Variants in ADAR observed in about 807,000 individuals in gnomAD.
The protein encoded by ADAR is adenosine deaminase RNA specific.
ADAR carries 41 observed loss-of-function variants against 113.2 expected under a neutral mutation model. That is an observed-to-expected ratio of 0.36 (90% CI 0.28 to 0.47). ADAR has a LOEUF of 0.47. Among genes scored for constraint, ADAR ranks in the 20% least tolerant of loss-of-function variants. The probability of loss-of-function intolerance (pLI) is 1.00; values close to 1 mark genes in which losing one functional copy is unlikely to be tolerated. For missense variants in ADAR, 1,242 were observed against 1,540.9 expected (o/e 0.81, Z 3.25); for synonymous variants, 605 against 572.6 (o/e 1.06, Z -0.81).
In ADAR at chr1:154,584,537, G is replaced by C. The variant is rs1365736988; in HGVS notation, c.*269C>G. ...TGGACCGCAGGTGCTCAGTGACTATGTATGCTTTGGGTAGAAAGAAAAGAT... is the reference window on the plus strand; with the variant it reads ...TGGACCGCAGGTGCTCAGTGACTATCTATGCTTTGGGTAGAAAGAAAAGAT... On this transcript the variant is annotated 3_prime_UTR_variant, in exon 15 of 15. Transcript: ENST00000368474. The C allele has an allele frequency of 6.4e-6, 3 of 465,704 alleles. No individual in the cohort carries two copies. The highest frequency in any genetic ancestry group is 1.9e-5 in the African/African-American group (1 of 51,440). The allele number at this position is 465,704 out of a possible 1,614,324, so 28.8% of individuals were successfully genotyped here.
At chr1:154,589,334 C>T (rs1477133558) in intron 9 of ADAR, 35 bp downstream of exon 9, 2 of 1,567,282 alleles carry the variant, frequency 1.3e-6, no homozygotes, top group South Asian at 1.1e-5. Flanking sequence ...CTCTCCACAG[C>T]CGGGCAGCCG....
chr1:154,597,987 TGAGA>T lies in ADAR; in HGVS notation c.1786-15_1786-12del. ...CTGGGACTCTGCAGTCTAGAGAAAA[TGAGA>T]GACAAGAAGAAAACAAAACTAAGAA... is the stretch of plus-strand genomic sequence containing the variant. On this transcript the variant is annotated splice_polypyrimidine_tract_variant and intron_variant, in intron 3 of 14. Coordinates refer to ENST00000368474, the MANE Select transcript of ADAR (RefSeq NM_001111.5). 6.2e-7 allele frequency: 1 copy of T among 1,612,548 alleles called. No individual in the cohort carries two copies. Among genetic ancestry groups the T allele is most frequent in the Non-Finnish European group, 8.5e-7 (1 of 1,179,394 alleles).
Position 154,588,229 on chromosome 1 carries a change from A to G in ADAR, c.2915T>C (p.Phe972Ser). 1 of 1,614,174 alleles carries G rather than the reference A, an allele frequency of 6.2e-7. No individual in the cohort carries two copies. Among genetic ancestry groups the G allele is most frequent in the Middle Eastern group, 1.7e-4 (1 of 6,028 alleles). ...STAPCGDGAL[F>S]DKSCSDRAME... The stretch of plus-strand genomic sequence containing the variant: ...AGCACGGTCGCTGCAGGACTTGTCA[A>G]AGAGGGCGCCATCTCCACACGGAGC... Residue 972 changes from phenylalanine (F) to serine (S), a missense_variant, in exon 11 of 15, where the codon TTT becomes TCT. Physicochemically the swap from Phe to Ser is radical, Grantham distance 155. This residue lies in a region of ADAR where 780 missense variants were observed against 1,057.9 expected (regional missense o/e 0.74). Coordinates refer to ENST00000368474, the MANE Select transcript of ADAR (RefSeq NM_001111.5).
intron 4 of ADAR, 106 bp downstream of exon 4, chr1:154,597,722 C>T (rs1277263102): frequency 1.4e-6 from 2 of 1,467,612 alleles, no homozygotes; most frequent in Non-Finnish European, 1.9e-6. Flanking sequence ...CATTTTGAAA[C>T]AGGAGAAATT....
At chr1:154,608,895 C>T (rs1698384178), upstream of ADAR, 2 of 151,576 alleles carry the variant, frequency 1.3e-5, no homozygotes, top group South Asian at 4.2e-4. Context: ...ACCGTGGGAC[C>T]TTGTTAATGC....
intron 6 of ADAR, among the ~76,000 whole-genome samples, chr1:154,594,678 T>C (rs886695295): frequency 2.6e-5 from 4 of 152,224 alleles, no homozygotes; most frequent in African/African-American, 7.2e-5. Context: ...AAAGCCTCTA[T>C]AGAAAGCATA....
intron 3 of ADAR, 145 bp downstream of exon 3, chr1:154,598,257 G>A (rs1477637453): frequency 8.7e-6 from 8 of 916,586 alleles, no homozygotes; most frequent in Non-Finnish European, 7.0e-6. Context: ...GGAAAGGTGG[G>A]CTGGCGAGAT....
In ADAR at chr1:154,597,419, G is replaced by C. The variant is rs115800464; in HGVS notation, c.1935-152C>G. ...CATCTCATGCAGTCACTTCTGCCTTGAACAGCCAGTGTCTCTTAGCCTGGC... is the reference window on the plus strand; with the variant it reads ...CATCTCATGCAGTCACTTCTGCCTTCAACAGCCAGTGTCTCTTAGCCTGGC... On this transcript the variant is annotated intron_variant, in intron 4 of 14. Transcript: ENST00000368474. 0.058 allele frequency: 58,119 copies of C among 995,406 alleles called. 2,111 individuals carry two copies. The highest frequency in any genetic ancestry group is 0.071 in the Non-Finnish European group (46,246 of 655,858). The allele number at this position is 995,406 out of a possible 1,614,324, so 61.7% of individuals were successfully genotyped here. A position where few individuals can be genotyped will look rare whatever the true frequency, so the allele number is the denominator to read the frequency against.
chr1:154,602,688 GC>G, intron 1 of ADAR, 62 bp from the exon 2 acceptor site: 1 of 1,591,342 alleles, frequency 6.3e-7, no homozygotes. Context: ...ACCTGTGGAG[GC>G]CCCTCCCTTT....
In ADAR at chr1:154,601,383, T is replaced by C; in HGVS notation, c.1259A>G (p.Glu420Gly). 1.9e-6 allele frequency: 3 copies of C among 1,614,236 alleles called. No homozygotes were observed. The highest frequency in any genetic ancestry group is 2.5e-6 in the Non-Finnish European group (3 of 1,180,042). ...ENGQEPVIKLENRQEARPEPA... is the reference protein window; with the variant it reads ...ENGQEPVIKLGNRQEARPEPA... ...TTCTGGTCTGGCCTCTTGCCTGTTT[T>C]CTAACTTTATGACAGGTTCCTGCCC... Residue 420 changes from glutamate (E) to glycine (G), a missense_variant, in exon 2 of 15, where the codon GAA becomes GGA. Glu to Gly is a moderately conservative substitution (Grantham distance 98, BLOSUM62 -2). Around this residue, in one of 2 missense-constraint regions of ADAR, gnomAD observed 780 missense variants for 1,057.9 expected, o/e 0.74. Coordinates refer to ENST00000368474, the MANE Select transcript of ADAR (RefSeq NM_001111.5). The surrounding 1 kb of genome is among the most constrained non-coding windows in gnomAD (Gnocchi z 4.7).
chr1:154,609,719 ACG>A (rs1274806746), upstream of ADAR, among the ~76,000 whole-genome samples: 1 of 152,112 alleles, frequency 6.6e-6, no homozygotes, highest in African/African-American at 2.4e-5. Context: ...TGCGCTAAAA[ACG>A]CCCCATTCGA....
chr1:154,598,277 G>A, intron 3 of ADAR, 125 bp downstream of exon 3: 6 of 1,070,744 alleles, frequency 5.6e-6, no homozygotes, highest in East Asian at 2.4e-5. Flanking sequence ...TAGGGTAGAG[G>A]GAAGAGTGGG....
Position 154,584,606 on chromosome 1 carries a change from G to C in ADAR, c.*200C>G. 5.1e-6 allele frequency: 3 copies of C among 588,384 alleles called. No homozygotes were observed. Among genetic ancestry groups the C allele is most frequent in the Non-Finnish European group, 9.0e-6 (3 of 332,638 alleles). 36.4% of individuals were successfully genotyped at this position (588,384 alleles called of 1,614,324 possible). The stretch of plus-strand genomic sequence containing the variant: ...CTCTTCACTTGGGGGAAAAAAGGGG[G>C]GCCTGGCCAGACCTTGCCTAGCAAT... On this transcript the variant is annotated 3_prime_UTR_variant, in exon 15 of 15. Coordinates refer to ENST00000368474, the MANE Select transcript of ADAR (RefSeq NM_001111.5).
At position 154,598,511 on chromosome 1, in the gene ADAR, T is replaced by A; in HGVS notation, c.1676A>T (p.Gln559Leu). 1 of 1,614,230 alleles carries A rather than the reference T, an allele frequency of 6.2e-7. No homozygotes were observed. The highest frequency in any genetic ancestry group is 8.5e-7 in the Non-Finnish European group (1 of 1,180,042). ...AEAGSKKVAK[Q>L]DAAMKAMTIL... ...TGTCATGGCTTTCATAGCTGCATCCTGCTTGGCCACTTTCTTGCTTCCAGC... is the reference window on the plus strand; with the variant it reads ...TGTCATGGCTTTCATAGCTGCATCCAGCTTGGCCACTTTCTTGCTTCCAGC... The change falls in exon 3 of 15, where the codon CAG becomes CTG. Residue 559 changes from glutamine (Q) to leucine (L), a missense_variant. Physicochemically the swap from Gln to Leu is moderately radical, Grantham distance 113. Coordinates refer to ENST00000368474, the MANE Select transcript of ADAR (RefSeq NM_001111.5).
chr1:154,598,024 G>C (rs753085235), intron 3 of ADAR, 48 bp from the exon 4 acceptor site: 31 of 1,589,148 alleles, frequency 2.0e-5, no homozygotes, highest in Non-Finnish European at 2.7e-5. Context: ...GAAAACACTG[G>C]TTAGTCCATC....
intron 2 of ADAR, among the ~76,000 whole-genome samples, chr1:154,598,958 G>C (rs1391646757): frequency 6.6e-6 from 1 of 152,170 alleles, no homozygotes; most frequent in Middle Eastern, 3.2e-3. Context: ...TCATTCTAAA[G>C]CAATTGTGGT....
intron 9 of ADAR, 30 bp downstream of exon 9, chr1:154,589,338 GC>G (rs766616447): frequency 6.3e-7 from 1 of 1,581,230 alleles, no homozygotes. Context: ...CCACAGCCGG[GC>G]AGCCGGGCCA....
chr1:154,586,447 G>C, intron 11 of ADAR, 84 bp from the exon 12 acceptor site: 1 of 1,336,938 alleles, frequency 7.5e-7, no homozygotes, highest in South Asian at 1.2e-5. Context: ...CTTAAGCTTG[G>C]GCCACAGGCT....
rs1395819186 is a variant in ADAR, at chr1:154,596,655, T to G, written c.2270+150A>C. On this transcript the variant is annotated intron_variant, in intron 6 of 14. Transcript: ENST00000368474. ...GCATTCACTCTTGGCAGGTCTATTG[T>G]CTTCTAAGAGGCCGTGGAGACAGGG... 3.7e-6 allele frequency: 3 copies of G among 815,816 alleles called. No homozygotes were observed. In the East Asian group the frequency reaches 8.0e-5, roughly 22 times the overall value. The allele number at this position is 815,816 out of a possible 1,614,324, so 50.5% of individuals were successfully genotyped here.
Sources: gnomAD v4.1 joint callset for allele counts (sites outside exome capture counted in the v4.1 genomes callset) on GRCh38, gnomAD v4.1.1 for gene constraint, gnomAD v4.1.1 regional missense constraint, Gnocchi (gnomAD v3.1) non-coding constraint, MANE v1.5 for transcripts, NCBI Gene and HGNC (gene_info 2026-07-23, HGNC 2026-07-21) for gene names.